Variants in SUSD4 observed in about 807,000 individuals in gnomAD.
SUSD4 encodes sushi domain-containing protein 4.
A neutral mutation model predicts 50.5 loss-of-function variants in SUSD4; 41 were observed. The observed-to-expected ratio is 0.81, with a 90% CI of 0.63 to 1.05. The LOEUF (loss-of-function observed/expected upper bound fraction) is 1.05, where lower values mean the gene tolerates loss of function less well. Among genes scored for constraint, SUSD4 ranks in the 50% least tolerant of loss-of-function variants. The pLI is 0.00. For missense variants in SUSD4, 580 were observed against 634.7 expected (o/e 0.91, Z 0.93); for synonymous variants, 257 against 257.3 (o/e 1.00, Z 0.01).
Position 223,268,562 on chromosome 1 carries a change from G to A in SUSD4, c.475C>T (p.His159Tyr). The change falls in exon 4 of 9, where the codon CAC becomes TAC. Residue 159 changes from histidine to tyrosine, a missense_variant. Coordinates refer to ENST00000366878, the MANE Select transcript of SUSD4 (RefSeq NM_017982.4). The stretch of plus-strand genomic sequence containing the variant: ...TCGCGACATAATGAAACCATATTGT[G>A]TAGGTCGGGGTACCGGATCTTGAAT... Reference protein sequence around the residue: ...EGFKIRYPDLHNMVSLCRDDG... With the variant: ...EGFKIRYPDLYNMVSLCRDDG... 2 of 1,614,186 alleles carry A rather than the reference G, an allele frequency of 1.2e-6. No individual in the cohort carries two copies. The highest frequency in any genetic ancestry group is 1.7e-6 in the Non-Finnish European group (2 of 1,180,036).
intron 3 of SUSD4, among the ~76,000 whole-genome samples, chr1:223,273,178 C>G (rs1663030103): frequency 6.6e-6 from 1 of 152,068 alleles, no homozygotes; most frequent in Non-Finnish European, 1.5e-5. Flanking sequence ...AGCTTGGTGT[C>G]CTTAAAAACA....
At chr1:223,286,694 C>A (rs756302797) in intron 3 of SUSD4, among the ~76,000 whole-genome samples, 2 of 152,182 alleles carry the variant, frequency 1.3e-5, no homozygotes, top group Non-Finnish European at 2.9e-5. Flanking sequence ...ATCGGGCCTC[C>A]CTTTCATGGA....
At chr1:223,336,213 CAA>C (rs1481011836) in intron 2 of SUSD4, among the ~76,000 whole-genome samples, 1 of 152,122 alleles carries the variant, frequency 6.6e-6, no homozygotes, top group Non-Finnish European at 1.5e-5. Context: ...CTTGGCCTCC[CAA>C]AGTGCTGGGA....
At chr1:223,325,364 G>T (rs572341806) in intron 2 of SUSD4, among the ~76,000 whole-genome samples, 1 of 152,220 alleles carries the variant, frequency 6.6e-6, no homozygotes, top group Non-Finnish European at 1.5e-5. Context: ...GATTAATTTT[G>T]GAAGTTATGG....
chr1:223,348,216 T>C (rs977344626), intron 2 of SUSD4, among the ~76,000 whole-genome samples: 1 of 152,246 alleles, frequency 6.6e-6, no homozygotes, highest in African/African-American at 2.4e-5. Flanking sequence ...CATAACAACA[T>C]GCTGAATTAC....
At chr1:223,286,808 T>C (rs1664174488) in intron 3 of SUSD4, among the ~76,000 whole-genome samples, 2 of 152,228 alleles carry the variant, frequency 1.3e-5, no homozygotes, top group South Asian at 4.1e-4. Flanking sequence ...CATTTGTGCC[T>C]ACATCTCCCT....
In SUSD4 at chr1:223,363,408, G is replaced by A; in HGVS notation, c.18C>T (p.Asn6=). The stretch of plus-strand genomic sequence containing the variant: ...CTAGAAATCCATCTCCATTGCTCGG[G>A]TTCATTCCATGATACATCTTTCATC... The part of the protein sequence containing the change: MYHGM[N]PSNGDGFLEQ... The change falls in exon 2 of 9, where the codon AAC becomes AAT. Residue 6 remains asparagine (N), a synonymous_variant. Coordinates refer to ENST00000366878, the MANE Select transcript of SUSD4 (RefSeq NM_017982.4). 6.4e-7 allele frequency: 1 copy of A among 1,564,468 alleles called. No individual in the cohort carries two copies. The highest frequency in any genetic ancestry group is 8.7e-7 in the Non-Finnish European group (1 of 1,154,036).
upstream of SUSD4, among the ~76,000 whole-genome samples, chr1:223,365,147 C>A (rs1669244473): frequency 6.6e-6 from 1 of 152,038 alleles, no homozygotes; most frequent in Non-Finnish European, 1.5e-5. Flanking sequence ...CCAAGGGGGT[C>A]GGTGGTAATT....
chr1:223,235,210 A>C (rs773991930), intron 5 of SUSD4: 10 of 1,229,780 alleles, frequency 8.1e-6, no homozygotes, highest in Non-Finnish European at 1.1e-5. Context: ...TTTATTTTTA[A>C]GAGCAGTTTT....
rs562853054 is a variant in SUSD4, at chr1:223,332,045, C to T, written c.148+31233G>A. ...GCATTTCTGGAGGGCTTCCTTGAAC[C>T]CGTGCAGAGAAAGCTGAGTGATGGG... On this transcript the variant is annotated intron_variant, in intron 2 of 8. Transcript: ENST00000366878. This position sits in a 1 kb window ranked among gnomAD's most constrained non-coding sequence, Gnocchi z 4.0. Among the ~76,000 whole-genome samples the T allele has an allele frequency of 7.9e-5, 12 of 152,280 alleles. No homozygotes were observed. The highest frequency in any genetic ancestry group is 1.3e-4 in the Non-Finnish European group (9 of 68,020).
chr1:223,358,218 C>A (rs1448836853), intron 2 of SUSD4, among the ~76,000 whole-genome samples: 3 of 152,022 alleles, frequency 2.0e-5, no homozygotes, highest in African/African-American at 7.3e-5. Flanking sequence ...ACTGTGTATC[C>A]CCAGGATGTA....
At chr1:223,326,731 C>A in intron 2 of SUSD4, among the ~76,000 whole-genome samples, 1 of 151,978 alleles carries the variant, frequency 6.6e-6, no homozygotes. Flanking sequence ...AAATGGCCAA[C>A]AAACATGAAA....
chr1:223,310,445 T>C (rs1359553484), intron 2 of SUSD4, among the ~76,000 whole-genome samples: 1 of 152,192 alleles, frequency 6.6e-6, no homozygotes, highest in Non-Finnish European at 1.5e-5. Flanking sequence ...ACTATGTTTT[T>C]GAAGATTTGC....
At chr1:223,330,077 A>T (rs776556780) in intron 2 of SUSD4, among the ~76,000 whole-genome samples, 3 of 152,162 alleles carry the variant, frequency 2.0e-5, no homozygotes, top group Non-Finnish European at 2.9e-5. Flanking sequence ...GGAAGAAGGG[A>T]CATTCTCTTC....
intron 2 of SUSD4, among the ~76,000 whole-genome samples, chr1:223,340,598 C>G (rs192125949): frequency 1.3e-5 from 2 of 152,166 alleles, no homozygotes; most frequent in Non-Finnish European, 2.9e-5. Context: ...AGCTTCTGTC[C>G]GCAGTCATGA....
At chr1:223,284,746 T>C (rs1045116088) in intron 3 of SUSD4, among the ~76,000 whole-genome samples, 2 of 152,136 alleles carry the variant, frequency 1.3e-5, no homozygotes, top group Non-Finnish European at 2.9e-5. Context: ...TTAAGGCTTA[T>C]TTTAATAAGC....
At chr1:223,288,862 C>A (rs188907047) in intron 3 of SUSD4, among the ~76,000 whole-genome samples, 322 of 152,318 alleles carry the variant, frequency 2.1e-3, no homozygotes, top group Middle Eastern at 0.02. Context: ...CACACAAAGT[C>A]TGACTGCTAC....
intron 5 of SUSD4, among the ~76,000 whole-genome samples, chr1:223,235,262 G>A (rs1358218575): frequency 2.0e-5 from 3 of 152,008 alleles, no homozygotes; most frequent in Non-Finnish European, 2.9e-5. Context: ...GGAAGTTCCC[G>A]TATACTCCCT....
chr1:223,261,304 CT>C (rs1415845003), intron 5 of SUSD4, among the ~76,000 whole-genome samples: 2 of 152,194 alleles, frequency 1.3e-5, no homozygotes, highest in East Asian at 1.9e-4. Context: ...TATCAAATTG[CT>C]TTCCCCCTGT....
Sources: gnomAD v4.1 joint callset for allele counts (sites outside exome capture counted in the v4.1 genomes callset) on GRCh38, gnomAD v4.1.1 for gene constraint, Gnocchi (gnomAD v3.1) non-coding constraint, MANE v1.5 for transcripts, NCBI Gene and HGNC (gene_info 2026-07-23, HGNC 2026-07-21) for gene names.